TRAF1: variants seen among roughly 807,000 people sequenced by gnomAD.
The protein encoded by TRAF1 is TNF receptor associated factor 1, also known as TNF receptor-associated factor 1.
TRAF1 carries 23 observed loss-of-function variants against 40.9 expected under a neutral mutation model. That is an observed-to-expected ratio of 0.56 (90% CI 0.40 to 0.80). TRAF1 has a LOEUF of 0.80. Among genes scored for constraint, TRAF1 ranks in the 30% least tolerant of loss-of-function variants. TRAF1 has a pLI of 0.00. For missense variants in TRAF1, 477 were observed against 528.7 expected, an observed-to-expected ratio of 0.90 and a Z score of 0.96; for synonymous variants, 206 against 218.8, an observed-to-expected ratio of 0.94 and a Z score of 0.52.
At chr9:120,921,841 G>T (rs1451068030) in intron 3 of TRAF1, among the ~76,000 whole-genome samples, 1 of 152,182 alleles carries the variant, frequency 6.6e-6, no homozygotes, top group Non-Finnish European at 1.5e-5. Context: ...CTCAGAGAAA[G>T]GAGAAGGAGG....
chr9:120,917,835 C>T (rs564243170), intron 3 of TRAF1, among the ~76,000 whole-genome samples: 142 of 152,182 alleles, frequency 9.3e-4, no homozygotes, highest in Middle Eastern at 3.4e-3. Context: ...TTCATTTAAT[C>T]GTGTCTGCAG....
At chr9:120,916,406 A>G (rs1293357463) in intron 3 of TRAF1, among the ~76,000 whole-genome samples, 3 of 152,120 alleles carry the variant, frequency 2.0e-5, no homozygotes, top group Admixed American at 2.0e-4. Context: ...ATCAAACTGT[A>G]CACTTAAAAT....
chr9:120,905,196 T>C lies in TRAF1; in HGVS notation c.1075A>G (p.Ile359Val). The C allele has an allele frequency of 6.2e-7, 1 of 1,613,920 alleles. No homozygotes were observed. The highest frequency in any genetic ancestry group is 8.5e-7 in the Non-Finnish European group (1 of 1,179,910). ...CTTAGGTCAGGCCGGAAGGCGTCAA[T>C]GGCGTGCTCACGGTTGTTCTGGTCC... ...LLDQNNREHA[I>V]DAFRPDLSSA... Residue 359 changes from isoleucine (I) to valine (V), a missense_variant, in exon 8 of 8, where the codon ATT (isoleucine) becomes GTT (valine). Physicochemically the swap from Ile to Val is conservative, Grantham distance 29 (BLOSUM62 3). Coordinates refer to ENST00000373887, the MANE Select transcript of TRAF1 (RefSeq NM_005658.5).
chr9:120,927,275 T>A (rs1286685272), upstream of TRAF1: 1 of 152,158 alleles, frequency 6.6e-6, no homozygotes, highest in Admixed American at 6.5e-5. Context: ...CCATCCTGCT[T>A]GGCTGCTACA....
rs771074309 is a variant in TRAF1, at chr9:120,904,845, C to T, written c.*175G>A. On this transcript the variant is annotated 3_prime_UTR_variant, in exon 8 of 8. Transcript: ENST00000373887. ...CCTTTGCCTTTGTGGGCCCAGCCCA[C>T]GTCCTGCCATCCTAACCAGATGGCC... 6.0e-5 allele frequency: 40 copies of T among 670,102 alleles called. No homozygotes were observed. Among genetic ancestry groups the T allele is most frequent in the Non-Finnish European group, 9.0e-5 (36 of 399,396 alleles). 41.5% of individuals were successfully genotyped at this position (670,102 alleles called of 1,614,324 possible).
At position 120,906,284 on chromosome 9, in the gene TRAF1, A is replaced by G. The variant is rs566638681; in HGVS notation, c.1033-1046T>C. ...AACCTCTGCCTCCTGGGTTCAAGCG[A>G]TTCTCCTGACTCAGCCTCCCAAGTA... On this transcript the variant is annotated intron_variant, in intron 7 of 7. Transcript: ENST00000373887. Among the ~76,000 whole-genome samples the G allele has an allele frequency of 2.0e-5, 3 of 148,480 alleles. No individual in the cohort carries two copies. The Admixed American group carries it at 2.0e-4, about 10-fold the overall frequency.
intron 5 of TRAF1, among the ~76,000 whole-genome samples, chr9:120,912,333 AG>A (rs937230466): frequency 3.9e-4 from 60 of 152,320 alleles, no homozygotes; most frequent in African/African-American, 1.4e-3. Flanking sequence ...CTGCAAAAGA[AG>A]CAACATTAGA....
Position 120,923,750 on chromosome 9 carries a change from G to A in TRAF1, c.183C>T (p.Asp61=), listed in dbSNP as rs2046619823. The part of the protein sequence containing the change: ...DQICPKCRGE[D]LQSISPGSRL... ...GGCTTCCTGGGCTTATAGACTGGAG[G>A]TCTTCCCCTCTGCATTTGGGGCAGA... The change falls in exon 3 of 8, where the codon GAC becomes GAT. Residue 61 remains aspartate (D), a synonymous_variant. Transcript: ENST00000373887. 1.2e-6 allele frequency: 2 copies of A among 1,614,118 alleles called. No homozygotes were observed. Among genetic ancestry groups the A allele is most frequent in the Admixed American group, 3.3e-5 (2 of 60,024 alleles).
upstream of TRAF1, chr9:120,927,074 G>A (rs1457938125): frequency 1.3e-5 from 2 of 152,190 alleles, no homozygotes; most frequent in East Asian, 1.9e-4. Context: ...AACCTGCAAG[G>A]AATTCTTCTG....
At chr9:120,918,473 T>A (rs896758188) in intron 3 of TRAF1, among the ~76,000 whole-genome samples, 13 of 152,136 alleles carry the variant, frequency 8.5e-5, no homozygotes, top group Non-Finnish European at 1.3e-4. Context: ...TTAGTATTCT[T>A]ATTCCTGTGG....
intron 6 of TRAF1, 60 bp downstream of exon 6, chr9:120,911,276 T>G: frequency 6.4e-7 from 1 of 1,563,258 alleles, no homozygotes. Flanking sequence ...ACTGCTTGCT[T>G]CCTGGGTCCT....
chr9:120,929,145 G>A (rs535333858), upstream of TRAF1: 38 of 152,590 alleles, frequency 2.5e-4, no homozygotes, highest in Admixed American at 2.4e-3. The surrounding 1 kb of genome is among the most constrained non-coding windows in gnomAD (Gnocchi z 4.5). Context: ...GCCTACCGGC[G>A]GCCAGGCCCG....
Position 120,926,042 on chromosome 9 carries a change from C to T in TRAF1, c.34G>A (p.Ala12Thr). Residue 12 changes from alanine to threonine, a missense_variant, in exon 2 of 8, where the codon GCC becomes ACC. Physicochemically the swap from Ala to Thr is moderately conservative, Grantham distance 58. Coordinates refer to ENST00000373887, the MANE Select transcript of TRAF1 (RefSeq NM_005658.5). ...ASSSGSSPRP[A>T]PDENEFPFGC... ...AAGGGAAACTCATTCTCATCAGGGG[C>T]CGGGCGAGGACTGCTGCCTGAGCTG... 6.2e-7 allele frequency: 1 copy of T among 1,608,982 alleles called. No homozygotes were observed. Among genetic ancestry groups the T allele is most frequent in the Non-Finnish European group, 8.5e-7 (1 of 1,177,502 alleles).
At chr9:120,912,863 C>T (rs775608517) in intron 5 of TRAF1, among the ~76,000 whole-genome samples, 8 of 152,092 alleles carry the variant, frequency 5.3e-5, no homozygotes, top group East Asian at 1.9e-4. Context: ...GACGTGAAGG[C>T]GCTGGGGCTT....
chr9:120,913,336 C>A lies in TRAF1; in HGVS notation c.697G>T (p.Glu233Ter). Residue 233 changes from glutamate (E) to a stop codon, truncating the protein, a stop_gained, in exon 5 of 8, where the codon GAG becomes TAG. Coordinates refer to ENST00000373887, the MANE Select transcript of TRAF1 (RefSeq NM_005658.5). LOFTEE classifies it high-confidence loss of function. Reference protein sequence around the residue: ...QLDRERILSLEQRVVELQQTL... With the variant: ...QLDRERILSL ...CTGCCTCCCACACTCACCCTCTGCT[C>A]CAAGCTCAGGATGCGCTCACGGTCC... 6.2e-7 allele frequency: 1 copy of A among 1,606,150 alleles called. No individual in the cohort carries two copies. The highest frequency in any genetic ancestry group is 1.1e-5 in the South Asian group (1 of 90,456).
chr9:120,923,699 A>C lies in TRAF1; in HGVS notation c.228+6T>G. On this transcript the variant is annotated splice_donor_region_variant and intron_variant, in intron 3 of 7. Coordinates refer to ENST00000373887, the MANE Select transcript of TRAF1 (RefSeq NM_005658.5). ...ACAAATGCCTTTCTGTGATGTGCCA[A>C]CGTACCTTCTCCTGAGTTCGAAGAC... 1 of 1,614,074 alleles carries C rather than the reference A, an allele frequency of 6.2e-7. No individual in the cohort carries two copies. The highest frequency in any genetic ancestry group is 8.5e-7 in the Non-Finnish European group (1 of 1,179,944).
chr9:120,909,885 C>T (rs1478987953), intron 6 of TRAF1, among the ~76,000 whole-genome samples: 4 of 152,142 alleles, frequency 2.6e-5, no homozygotes, highest in African/African-American at 9.7e-5. Context: ...GGCTGGGGTC[C>T]CCTGGAGGCT....
intron 3 of TRAF1, among the ~76,000 whole-genome samples, chr9:120,920,449 C>A (rs181086214): frequency 6.9e-6 from 1 of 145,326 alleles, no homozygotes; most frequent in East Asian, 2.1e-4. Context: ...TGAGTCTAGA[C>A]AAATTAAGGC....
At chr9:120,917,785 C>T (rs772694338) in intron 3 of TRAF1, among the ~76,000 whole-genome samples, 4 of 151,998 alleles carry the variant, frequency 2.6e-5, no homozygotes, top group Non-Finnish European at 4.4e-5. Flanking sequence ...ACACTTGGGC[C>T]TCCTGGATAA....
Sources: allele counts gnomAD v4.1 joint callset (sites outside exome capture counted in the v4.1 genomes callset), GRCh38; gene constraint gnomAD v4.1.1; non-coding constraint Gnocchi (gnomAD v3.1); transcripts MANE v1.5; gene names NCBI Gene and HGNC (gene_info 2026-07-23, HGNC 2026-07-21).